BMP5: variants seen among roughly 807,000 people sequenced by gnomAD.
The protein encoded by BMP5 is bone morphogenetic protein 5.
A neutral mutation model predicts 46.6 loss-of-function variants in BMP5; 23 were observed. The observed-to-expected ratio is 0.49, with a 90% CI of 0.35 to 0.70. The LOEUF (loss-of-function observed/expected upper bound fraction) is 0.70. Among genes scored for constraint, BMP5 ranks in the 30% least tolerant of loss-of-function variants. The pLI is 0.00. For synonymous variants in BMP5, 204 were observed against 191.9 expected (o/e 1.06, Z -0.52); for missense variants, 545 against 565.6 (o/e 0.96, Z 0.37).
chr6:55,841,818 A>G (rs1045617485), intron 1 of BMP5, among the ~76,000 whole-genome samples: 1 of 152,238 alleles, frequency 6.6e-6, no homozygotes. Context: ...AAATGGCCTT[A>G]TCTCCAAATA....
chr6:55,873,355 G>A (rs1048921449), intron 1 of BMP5, among the ~76,000 whole-genome samples: 2 of 151,886 alleles, frequency 1.3e-5, no homozygotes, highest in African/African-American at 4.8e-5. Context: ...ATTCTTCCCA[G>A]TGGATTAAAT....
intron 3 of BMP5, among the ~76,000 whole-genome samples, chr6:55,786,057 A>G (rs1244820613): frequency 6.6e-6 from 1 of 151,732 alleles, no homozygotes; most frequent in Non-Finnish European, 1.5e-5. Context: ...TGGGTATTCC[A>G]TGTCTACACA....
chr6:55,767,353 A>G (rs866648810), intron 4 of BMP5, among the ~76,000 whole-genome samples: 3 of 152,026 alleles, frequency 2.0e-5, no homozygotes, highest in South Asian at 2.1e-4. Flanking sequence ...TCAACACTTA[A>G]TGAGCATTTG....
chr6:55,785,744 T>G (rs923728345), intron 3 of BMP5, among the ~76,000 whole-genome samples: 3 of 150,492 alleles, frequency 2.0e-5, no homozygotes, highest in Non-Finnish European at 4.4e-5. Context: ...GCTTGATTTC[T>G]TGCAAAAAAA....
intron 3 of BMP5, among the ~76,000 whole-genome samples, chr6:55,776,807 G>C: frequency 6.6e-6 from 1 of 151,786 alleles, no homozygotes. Context: ...GTTTCCTTTG[G>C]GTTGCCAGGG....
chr6:55,851,245 G>A (rs1386299681), intron 1 of BMP5, among the ~76,000 whole-genome samples: 1 of 150,748 alleles, frequency 6.6e-6, no homozygotes, highest in Non-Finnish European at 1.5e-5. Context: ...AGGTCTCTGT[G>A]CTATTTTTTC....
chr6:55,814,727 G>T (rs577767497), intron 2 of BMP5, among the ~76,000 whole-genome samples: 123 of 152,248 alleles, frequency 8.1e-4, no homozygotes, highest in African/African-American at 2.8e-3. Flanking sequence ...GCACAGAATT[G>T]CATTTTCTTA....
At chr6:55,792,728 T>C (rs928245773) in intron 3 of BMP5, among the ~76,000 whole-genome samples, 5 of 152,112 alleles carry the variant, frequency 3.3e-5, no homozygotes, top group African/African-American at 1.2e-4. Flanking sequence ...CTTAAGCATT[T>C]ATAGCAATAA....
intron 1 of BMP5, among the ~76,000 whole-genome samples, chr6:55,837,341 A>AGATAGATAGAT (rs1776831324): frequency 7.7e-6 from 1 of 130,148 alleles, no homozygotes; most frequent in Non-Finnish European, 1.6e-5. Context: ...TAATTTAGAT[A>AGATAGATAGAT]GATAGATAGA....
chr6:55,783,274 T>C (rs1163635303), intron 3 of BMP5, among the ~76,000 whole-genome samples: 3 of 152,098 alleles, frequency 2.0e-5, no homozygotes, highest in Admixed American at 1.3e-4. Flanking sequence ...GGAGTGGGGA[T>C]ATATAATTTA....
intron 2 of BMP5, among the ~76,000 whole-genome samples, chr6:55,811,073 T>A (rs955271807): frequency 1.3e-5 from 2 of 152,186 alleles, no homozygotes; most frequent in African/African-American, 4.8e-5. Flanking sequence ...TTTAGAAACA[T>A]AATCTCCCAT....
rs117672049 is a variant in BMP5 at position 55,771,522 on chromosome 6, C to T, written c.1027+2527G>A. On this transcript the variant is annotated intron_variant, in intron 4 of 6. Coordinates refer to ENST00000370830, the MANE Select transcript of BMP5 (RefSeq NM_021073.4). ...AAGTTAGTTTTTCCTATGCTGTCAG[C>T]ACGTTAATTTACTCAACAAGTATTT... Among the ~76,000 whole-genome samples the T allele has an allele frequency of 2.8e-3, 427 of 151,944 alleles. 2 individuals carry two copies. Among genetic ancestry groups the T allele is most frequent in the East Asian group, 0.024 (126 of 5,150 alleles).
chr6:55,819,769 C>T lies in BMP5; in HGVS notation c.569G>A (p.Gly190Glu). 1.3e-5 allele frequency: 21 copies of T among 1,613,692 alleles called. No homozygotes were observed. The highest frequency in any genetic ancestry group is 1.8e-5 in the Non-Finnish European group (21 of 1,179,784). ...GAATTCAGCTGCTGTCACTGCCTCTCCATGAGGAATTTGGGTAAGATCAAA... is the reference window on the plus strand; with the variant it reads ...GAATTCAGCTGCTGTCACTGCCTCTTCATGAGGAATTTGGGTAAGATCAAA... ...FRFDLTQIPHGEAVTAAEFRI... is the reference protein window; with the variant it reads ...FRFDLTQIPHEEAVTAAEFRI... Residue 190 changes from glycine (G) to glutamate (E), a missense_variant, in exon 2 of 7, where the codon GGA (glycine) becomes GAA (glutamate). Coordinates refer to ENST00000370830, the MANE Select transcript of BMP5 (RefSeq NM_021073.4).
At chr6:55,866,463 G>C (rs759840033) in intron 1 of BMP5, among the ~76,000 whole-genome samples, 1 of 152,148 alleles carries the variant, frequency 6.6e-6, no homozygotes, top group Non-Finnish European at 1.5e-5. Context: ...TGCGAATGCT[G>C]CATGTGAGAA....
intron 1 of BMP5, among the ~76,000 whole-genome samples, chr6:55,824,707 G>T (rs554411010): frequency 6.6e-6 from 1 of 151,832 alleles, no homozygotes; most frequent in South Asian, 2.1e-4. Context: ...TAGAAAGAGT[G>T]TTTAGTAACA....
intron 4 of BMP5, among the ~76,000 whole-genome samples, chr6:55,769,112 A>C (rs1774985135): frequency 6.6e-6 from 1 of 151,960 alleles, no homozygotes; most frequent in African/African-American, 2.4e-5. Flanking sequence ...TGATTGCTGA[A>C]GGTTGATGTG....
At chr6:55,834,786 A>G (rs1776749637) in intron 1 of BMP5, among the ~76,000 whole-genome samples, 1 of 152,126 alleles carries the variant, frequency 6.6e-6, no homozygotes, top group Admixed American at 6.6e-5. Flanking sequence ...AATAACATAA[A>G]ATTCCATATG....
At chr6:55,820,997 T>A (rs1419923335) in intron 1 of BMP5, among the ~76,000 whole-genome samples, 1 of 152,218 alleles carries the variant, frequency 6.6e-6, no homozygotes, top group East Asian at 1.9e-4. Context: ...ACAAGTGGTA[T>A]TAATTGATTC....
intron 3 of BMP5, among the ~76,000 whole-genome samples, chr6:55,787,972 A>G (rs1335298686): frequency 6.6e-6 from 1 of 151,662 alleles, no homozygotes; most frequent in East Asian, 1.9e-4. Flanking sequence ...CACAACATGT[A>G]TTAGGGACCA....
Sources: allele counts gnomAD v4.1 joint callset (sites outside exome capture counted in the v4.1 genomes callset), GRCh38; gene constraint gnomAD v4.1.1; transcripts MANE v1.5; gene names NCBI Gene and HGNC (gene_info 2026-07-23, HGNC 2026-07-21).